Variants in CNBD1 observed in about 807,000 individuals in gnomAD.
CNBD1 encodes cyclic nucleotide-binding domain-containing protein 1.
Under a neutral mutation model 54.4 loss-of-function variants are expected in CNBD1, and 71 were observed. The observed-to-expected ratio is 1.30, with a 90% CI of 1.08 to 1.59. The LOEUF (loss-of-function observed/expected upper bound fraction) is 1.59. CNBD1 is among the 40% of genes most tolerant of loss of function. The probability of loss-of-function intolerance (pLI) is 0.00; values close to 1 mark genes in which losing one functional copy is unlikely to be tolerated. For synonymous variants in CNBD1, 182 were observed against 170.7 expected, an observed-to-expected ratio of 1.07 and a Z score of -0.51; for missense variants, 659 against 518.0, an observed-to-expected ratio of 1.27 and a Z score of -2.64.
At chr8:86,915,967 A>G (rs182713706) in intron 3 of CNBD1, among the ~76,000 whole-genome samples, 1 of 152,312 alleles carries the variant, frequency 6.6e-6, no homozygotes, top group East Asian at 1.9e-4. Flanking sequence ...AAATATATGT[A>G]ATGAAGATAA....
chr8:87,134,374 C>CA (rs1254192659), intron 4 of CNBD1, among the ~76,000 whole-genome samples: 1 of 151,796 alleles, frequency 6.6e-6, no homozygotes, highest in Non-Finnish European at 1.5e-5. Context: ...TCGTTAGCAA[C>CA]AAAAAAGAGT....
chr8:87,258,327 A>G (rs1205649779), intron 6 of CNBD1, among the ~76,000 whole-genome samples: 1 of 152,186 alleles, frequency 6.6e-6, no homozygotes, highest in African/African-American at 2.4e-5. Context: ...GATAAAGGGA[A>G]GACTTAGATT....
At chr8:86,925,755 G>A (rs1334932120) in intron 3 of CNBD1, among the ~76,000 whole-genome samples, 1 of 147,428 alleles carries the variant, frequency 6.8e-6, no homozygotes, top group Non-Finnish European at 1.5e-5. Flanking sequence ...AAAAGAATTA[G>A]CCAGGTGTGG....
At chr8:87,312,348 A>G (rs1809285816) in intron 8 of CNBD1, among the ~76,000 whole-genome samples, 1 of 152,018 alleles carries the variant, frequency 6.6e-6, no homozygotes, top group South Asian at 2.1e-4. Context: ...TCTTGGGGCA[A>G]TTGCTGCATG....
intron 5 of CNBD1, among the ~76,000 whole-genome samples, chr8:87,221,285 C>A (rs1814332231): frequency 6.6e-6 from 1 of 151,920 alleles, no homozygotes; most frequent in Non-Finnish European, 1.5e-5. Flanking sequence ...AACATAATTC[C>A]AATTTCCAGT....
rs186093218 is a variant in CNBD1, at chr8:86,953,919, C to T, written c.431+14165C>T. Among the ~76,000 whole-genome samples, 223 of 152,234 alleles carry T rather than the reference C, an allele frequency of 1.5e-3. 1 individual carries two copies. Among genetic ancestry groups the T allele is most frequent in the Non-Finnish European group, 2.3e-3 (159 of 68,006 alleles). The stretch of plus-strand genomic sequence containing the variant: ...AAACATGTTAAATAATCCTGTTTAT[C>T]ACTCCTTTGGACACTCCAGGGGCTC... On this transcript the variant is annotated intron_variant, in intron 4 of 10. Transcript: ENST00000518476.
At chr8:86,986,161 T>C (rs1563848291) in intron 4 of CNBD1, among the ~76,000 whole-genome samples, 1 of 151,954 alleles carries the variant, frequency 6.6e-6, no homozygotes, top group Non-Finnish European at 1.5e-5. Context: ...AACTCCTGAC[T>C]TCGTGATCTG....
chr8:87,032,029 A>G (rs537827630), intron 4 of CNBD1, among the ~76,000 whole-genome samples: 1 of 152,234 alleles, frequency 6.6e-6, no homozygotes, highest in South Asian at 2.1e-4. Context: ...GGCATGAGCC[A>G]CAGTGCCCAG....
intron 4 of CNBD1, among the ~76,000 whole-genome samples, chr8:87,095,488 A>G (rs1811298386): frequency 6.6e-6 from 1 of 152,238 alleles, no homozygotes; most frequent in African/African-American, 2.4e-5. Context: ...ACAATCAATA[A>G]ATAGCTGTTA....
chr8:87,329,419 G>A (rs1809766987), intron 8 of CNBD1, among the ~76,000 whole-genome samples: 1 of 152,036 alleles, frequency 6.6e-6, no homozygotes, highest in East Asian at 1.9e-4. Flanking sequence ...TTTTGAATTA[G>A]TTTGTCAATG....
At chr8:87,399,635 T>A (rs1807511719) in intron 2 of CNBD1, among the ~76,000 whole-genome samples, 1 of 151,926 alleles carries the variant, frequency 6.6e-6, no homozygotes, top group Admixed American at 6.6e-5. Flanking sequence ...TAACCCTTGG[T>A]AAAGCCTAAG....
At chr8:87,114,431 A>G (rs1489074135) in intron 4 of CNBD1, among the ~76,000 whole-genome samples, 2 of 151,604 alleles carry the variant, frequency 1.3e-5, no homozygotes, top group African/African-American at 4.9e-5. Flanking sequence ...TCTCACTACA[A>G]CCTCCGCCTC....
chr8:87,337,275 G>T (rs1481448393), intron 8 of CNBD1, among the ~76,000 whole-genome samples: 2 of 152,152 alleles, frequency 1.3e-5, no homozygotes, highest in East Asian at 3.9e-4. Context: ...CATCTGGGCT[G>T]CCCGGAGTTA....
chr8:87,110,479 T>C (rs1378663117), intron 4 of CNBD1, among the ~76,000 whole-genome samples: 1 of 152,120 alleles, frequency 6.6e-6, no homozygotes, highest in Non-Finnish European at 1.5e-5. Flanking sequence ...GCCTACAAGA[T>C]GTTGAGATTC....
intron 4 of CNBD1, among the ~76,000 whole-genome samples, chr8:87,161,318 C>T (rs1418616917): frequency 1.3e-5 from 2 of 152,088 alleles, no homozygotes; most frequent in Non-Finnish European, 1.5e-5. Flanking sequence ...AGTGGAATGG[C>T]AAGAACTTAC....
chr8:87,366,615 T>C (rs976039746), intron 10 of CNBD1, among the ~76,000 whole-genome samples: 2 of 152,080 alleles, frequency 1.3e-5, no homozygotes, highest in Non-Finnish European at 2.9e-5. Flanking sequence ...TACTGTGTAA[T>C]ATAACATAAT....
At chr8:87,117,580 C>G (rs928758271) in intron 4 of CNBD1, among the ~76,000 whole-genome samples, 4 of 152,202 alleles carry the variant, frequency 2.6e-5, no homozygotes, top group East Asian at 3.9e-4. Context: ...GATCAGTTTC[C>G]TCTTTTTATT....
intron 3 of CNBD1, among the ~76,000 whole-genome samples, chr8:86,929,445 A>G (rs1047545808): frequency 4.6e-5 from 7 of 152,206 alleles, no homozygotes; most frequent in Non-Finnish European, 1.0e-4. Flanking sequence ...ATCACTAACT[A>G]TGGCATAACC....
At chr8:86,915,235 G>C (rs1358817155) in intron 3 of CNBD1, among the ~76,000 whole-genome samples, 1 of 151,798 alleles carries the variant, frequency 6.6e-6, no homozygotes, top group Admixed American at 6.6e-5. Flanking sequence ...GCAGTTGGTG[G>C]GTCCTGGTAG....
Sources: gnomAD v4.1 joint callset for allele counts (sites outside exome capture counted in the v4.1 genomes callset) on GRCh38, gnomAD v4.1.1 for gene constraint, MANE v1.5 for transcripts, NCBI Gene and HGNC (gene_info 2026-07-23, HGNC 2026-07-21) for gene names.